Variants in FMNL3 observed in about 807,000 individuals in gnomAD.
FMNL3 encodes the protein formin-like protein 3.
A neutral mutation model predicts 119.6 loss-of-function variants in FMNL3; 57 were observed. The observed-to-expected ratio is 0.48, with a 90% confidence interval of 0.39 to 0.59. The LOEUF is 0.59. FMNL3 is among the 20% of genes least tolerant of loss of function. The pLI, the probability that FMNL3 is intolerant of heterozygous loss-of-function variation, is 0.00. For missense variants in FMNL3, 1,053 were observed against 1,323.5 expected (o/e 0.80, Z 3.17); for synonymous variants, 491 against 507.3 (o/e 0.97, Z 0.43).
At chr12:49,684,559 C>CT (rs1417884214) in intron 1 of FMNL3, among the ~76,000 whole-genome samples, 1 of 152,216 alleles carries the variant, frequency 6.6e-6, no homozygotes, top group Non-Finnish European at 1.5e-5. Flanking sequence ...ATGCTCAAAA[C>CT]TTTTAACAAG....
intron 1 of FMNL3, among the ~76,000 whole-genome samples, chr12:49,704,493 C>T (rs964807735): frequency 6.6e-6 from 1 of 151,982 alleles, no homozygotes; most frequent in Non-Finnish European, 1.5e-5. Context: ...GGTGGATCAC[C>T]TGAGGTCAGG....
rs755918595 is a variant in FMNL3 at position 49,653,228 on chromosome 12, T to G, written c.1321A>C (p.Lys441Gln). 3.1e-6 allele frequency: 5 copies of G among 1,614,002 alleles called. No individual in the cohort carries two copies. The Admixed American group carries it at 8.3e-5, about 27-fold the overall frequency. Residue 441 changes from lysine (K) to glutamine (Q), a missense_variant and splice_region_variant, in exon 13 of 26, where the codon AAG becomes CAG. Physicochemically the swap from Lys to Gln is moderately conservative, Grantham distance 53 (BLOSUM62 1). Coordinates refer to ENST00000335154, the MANE Select transcript of FMNL3 (RefSeq NM_175736.5). Reference sequence around the variant, plus strand: ...TGCCTTCCCCAGAGTACTTGTACCTTGATGCTCTCTAGTTCCTTCTCCCGC... The same window carrying G: ...TGCCTTCCCCAGAGTACTTGTACCTGGATGCTCTCTAGTTCCTTCTCCCGC... Reference protein sequence around the residue: ...LQREKELESIKETYENTSHQV... With the variant: ...LQREKELESIQETYENTSHQV...
intron 4 of FMNL3, among the ~76,000 whole-genome samples, chr12:49,664,013 C>A (rs975770347): frequency 1.3e-5 from 2 of 152,122 alleles, no homozygotes; most frequent in African/African-American, 4.8e-5. Flanking sequence ...CTTTGAAAGG[C>A]CAAGACAGGC....
chr12:49,696,631 A>T (rs1944758343), intron 1 of FMNL3, among the ~76,000 whole-genome samples: 1 of 152,258 alleles, frequency 6.6e-6, no homozygotes, highest in Non-Finnish European at 1.5e-5. Context: ...AAGGAGGGCC[A>T]GCTGTACATC....
chr12:49,665,481 C>T (rs987611050), intron 4 of FMNL3, among the ~76,000 whole-genome samples: 2 of 152,186 alleles, frequency 1.3e-5, no homozygotes, highest in African/African-American at 4.8e-5. Context: ...GTATGTTCTC[C>T]CCACCCTCAG....
At chr12:49,655,036 G>T in intron 9 of FMNL3, 52 bp from the exon 10 acceptor site, 1 of 1,548,854 alleles carries the variant, frequency 6.5e-7, no homozygotes, top group Non-Finnish European at 8.9e-7. Flanking sequence ...CAGAACCCAA[G>T]CCCCTGCGCT....
At chr12:49,700,327 G>A (rs1413018913) in intron 1 of FMNL3, among the ~76,000 whole-genome samples, 2 of 148,588 alleles carry the variant, frequency 1.3e-5, no homozygotes, top group African/African-American at 5.1e-5. Flanking sequence ...GGGAGGCAGA[G>A]CTTGTAGTGA....
intron 5 of FMNL3, among the ~76,000 whole-genome samples, chr12:49,659,554 G>A (rs1208616355): frequency 2.6e-5 from 4 of 152,094 alleles, no homozygotes; most frequent in African/African-American, 7.2e-5. Flanking sequence ...GGGACTACAG[G>A]TGCGTGCCAC....
chr12:49,652,334 C>G, intron 13 of FMNL3, 122 bp from the exon 14 acceptor site: 1 of 1,435,156 alleles, frequency 7.0e-7, no homozygotes, highest in Non-Finnish European at 9.1e-7. Flanking sequence ...CTCAGAGGCT[C>G]AGAGTGGCAG....
rs1184093076 is a variant in FMNL3, at chr12:49,652,197, T to C, written c.1339A>G (p.Thr447Ala). 12 of 1,612,734 alleles carry C rather than the reference T, an allele frequency of 7.4e-6. No individual in the cohort carries two copies. Among genetic ancestry groups the C allele is most frequent in the Non-Finnish European group, 1.0e-5 (12 of 1,179,624 alleles). Reference protein sequence around the residue: ...LESIKETYENTSHQVHTLRRL... With the variant: ...LESIKETYENASHQVHTLRRL... ...CGCAGGGTGTGCACCTGGTGGCTTG[T>C]GTTCTCATATGTCTCCTGGCAGGCA... Residue 447 changes from threonine to alanine, a missense_variant, in exon 14 of 26, where the codon ACA (threonine) becomes GCA (alanine). Around this residue, in one of 4 missense-constraint regions of FMNL3, gnomAD observed 445 missense variants for 628.4 expected, o/e 0.71. Transcript: ENST00000335154.
At chr12:49,653,388 TGA>T (rs1277177821) in intron 12 of FMNL3, 61 bp from the exon 13 acceptor site, 2 of 1,550,210 alleles carry the variant, frequency 1.3e-6, no homozygotes, top group African/African-American at 2.7e-5. Flanking sequence ...CAGCACAGCC[TGA>T]ACCCTAGTCA....
intron 1 of FMNL3, among the ~76,000 whole-genome samples, chr12:49,671,933 CTT>C (rs2138887428): frequency 6.6e-6 from 1 of 152,268 alleles, no homozygotes; most frequent in East Asian, 1.9e-4. Flanking sequence ...ACTTTGGGCT[CTT>C]CAGAGTTATG....
chr12:49,697,053 C>T (rs1285697632), intron 1 of FMNL3, among the ~76,000 whole-genome samples: 1 of 152,194 alleles, frequency 6.6e-6, no homozygotes, highest in African/African-American at 2.4e-5. Flanking sequence ...ATAGGGACCA[C>T]AGGTTTAACT....
At chr12:49,664,727 C>T (rs138314567) in intron 4 of FMNL3, among the ~76,000 whole-genome samples, 1 of 152,206 alleles carries the variant, frequency 6.6e-6, no homozygotes, top group African/African-American at 2.4e-5. Context: ...GGCCAGGAAC[C>T]ATCCCTTTCC....
intron 25 of FMNL3, 168 bp downstream of exon 25, chr12:49,646,718 T>A: frequency 1.3e-6 from 2 of 1,551,592 alleles, no homozygotes; most frequent in African/African-American, 1.4e-5. Context: ...GAGCCCCGCT[T>A]GGCAGTACGG....
intron 1 of FMNL3, among the ~76,000 whole-genome samples, chr12:49,692,235 C>T (rs1944625935): frequency 6.6e-6 from 1 of 151,736 alleles, no homozygotes; most frequent in Non-Finnish European, 1.5e-5. Context: ...CGCCTGTAGT[C>T]CCAGCTACTT....
At chr12:49,686,667 A>G (rs1214121713) in intron 1 of FMNL3, among the ~76,000 whole-genome samples, 2 of 151,382 alleles carry the variant, frequency 1.3e-5, no homozygotes, top group African/African-American at 2.4e-5. Flanking sequence ...CTGAGCATCC[A>G]TCCCTACACT....
intron 13 of FMNL3, among the ~76,000 whole-genome samples, 185 bp from the exon 14 acceptor site, chr12:49,652,397 A>T (rs1943432922): frequency 6.6e-6 from 1 of 152,128 alleles, no homozygotes; most frequent in African/African-American, 2.4e-5. Context: ...AAAAGAGGCA[A>T]GCAGAAGCTG....
chr12:49,680,168 G>C (rs1186771745), intron 1 of FMNL3, among the ~76,000 whole-genome samples: 1 of 152,218 alleles, frequency 6.6e-6, no homozygotes, highest in Admixed American at 6.5e-5. Flanking sequence ...CCATTTTGGG[G>C]GGCAGCACCC....
Sources: allele counts gnomAD v4.1 joint callset (sites outside exome capture counted in the v4.1 genomes callset), GRCh38; gene constraint gnomAD v4.1.1; regional missense constraint gnomAD v4.1.1; transcripts MANE v1.5; gene names NCBI Gene and HGNC (gene_info 2026-07-23, HGNC 2026-07-21).